Variants in FOXK1 observed in about 807,000 individuals in gnomAD.
FOXK1 encodes forkhead box protein K1.
FOXK1 carries 19 observed loss-of-function variants against 51.9 expected under a neutral mutation model. That is an observed-to-expected ratio of 0.37 (90% confidence interval 0.26 to 0.54). The LOEUF is 0.54. Among genes scored for constraint, FOXK1 ranks in the 20% least tolerant of loss-of-function variants. The pLI is 0.87. For missense variants in FOXK1, 870 were observed against 1,032.7 expected, an observed-to-expected ratio of 0.84 and a Z score of 2.16; for synonymous variants, 537 against 482.6, an observed-to-expected ratio of 1.11 and a Z score of -1.48.
rs1435490108 is a variant in FOXK1 at position 4,767,175 on chromosome 7, G to C, written c.*4711G>C. On this transcript the variant is annotated 3_prime_UTR_variant, in exon 9 of 9. Coordinates refer to ENST00000328914, the MANE Select transcript of FOXK1 (RefSeq NM_001037165.2). The surrounding 1 kb of genome is among the most constrained non-coding windows in gnomAD (Gnocchi z 6.6). ...AGAGAGGACACCCCAAGTCCATCCT[G>C]GGCTCCTCCTCACCCCTCTGAGAAA... The C allele has an allele frequency of 6.6e-6, 1 of 152,220 alleles. No homozygotes were observed. Among genetic ancestry groups the C allele is most frequent in the Admixed American group, 6.5e-5 (1 of 15,272 alleles). 9.4% of individuals were successfully genotyped at this position (152,220 alleles called of 1,614,324 possible).
In FOXK1 at chr7:4,682,903, G is replaced by C. The variant is rs1464519560; in HGVS notation, c.560+35G>C. 1 of 1,423,720 alleles carries C rather than the reference G, an allele frequency of 7.0e-7. No homozygotes were observed. Among genetic ancestry groups the C allele is most frequent in the Non-Finnish European group, 9.2e-7 (1 of 1,086,050 alleles). 88.2% of individuals were successfully genotyped at this position (1,423,720 alleles called of 1,614,324 possible). On this transcript the variant is annotated intron_variant, in intron 1 of 8. Coordinates refer to ENST00000328914, the MANE Select transcript of FOXK1 (RefSeq NM_001037165.2). The surrounding 1 kb of genome is among the most constrained non-coding windows in gnomAD (Gnocchi z 7.6). ...CCCGCGACCCCCGCCGCCCGCACCC[G>C]GGGCTCGCCCACGACCTCGATCTCT...
chr7:4,691,377 C>T (rs1779888942), intron 1 of FOXK1, among the ~76,000 whole-genome samples: 1 of 152,236 alleles, frequency 6.6e-6, no homozygotes, highest in South Asian at 2.1e-4. Context: ...CTCTGTCTCC[C>T]AGGCTGGAGT....
At chr7:4,684,110 G>T (rs1038662891) in intron 1 of FOXK1, among the ~76,000 whole-genome samples, 1 of 152,084 alleles carries the variant, frequency 6.6e-6, no homozygotes, top group Non-Finnish European at 1.5e-5. Context: ...ACTGCCCTCC[G>T]CACCCTCTGC....
rs1459125096 is a variant in FOXK1, at chr7:4,731,736, G to A, written c.561-9102G>A. Among the ~76,000 whole-genome samples, 29 of 144,806 alleles carry A rather than the reference G, an allele frequency of 2.0e-4. No homozygotes were observed. Among genetic ancestry groups the A allele is most frequent in the Non-Finnish European group, 3.4e-4 (23 of 66,990 alleles). 95.0% of individuals were successfully genotyped at this position (144,806 alleles called of 152,430 possible). A position where few individuals can be genotyped will look rare whatever the true frequency, so the allele number is the denominator to read the frequency against. ...ATTGCACCACTGCACTCCAGCCTGGGCAACAAAGCGAAACTCTGCCTCAAA... is the reference window on the plus strand; with the variant it reads ...ATTGCACCACTGCACTCCAGCCTGGACAACAAAGCGAAACTCTGCCTCAAA... On this transcript the variant is annotated intron_variant, in intron 1 of 8. Transcript: ENST00000328914. The surrounding 1 kb of genome is among the most constrained non-coding windows in gnomAD (Gnocchi z 5.3).
At chr7:4,757,292 C>CTCAGTGTACGGGCATG in intron 5 of FOXK1, 105 bp downstream of exon 5, 1 of 1,049,552 alleles carries the variant, frequency 9.5e-7, no homozygotes, top group Admixed American at 2.4e-5. Context: ...TGGGCTCAGG[C>CTCAGTGTACGGGCATG]TCAGTGTACG....
rs938523029 is a variant in FOXK1, at chr7:4,723,337, C to T, written c.561-17501C>T. Among the ~76,000 whole-genome samples the T allele has an allele frequency of 4.6e-5, 7 of 152,024 alleles. No homozygotes were observed. The highest frequency in any genetic ancestry group is 8.8e-5 in the Non-Finnish European group (6 of 68,004). On this transcript the variant is annotated intron_variant, in intron 1 of 8. Transcript: ENST00000328914. The surrounding 1 kb of genome is among the most constrained non-coding windows in gnomAD (Gnocchi z 4.7). ...AAAAGAGCTTGTTGGTAAATACTGC[C>T]TGAAAACATTGGCTTAATTTGTCTT...
At chr7:4,741,733 G>T (rs1032770304) in intron 2 of FOXK1, among the ~76,000 whole-genome samples, 1 of 152,212 alleles carries the variant, frequency 6.6e-6, no homozygotes, top group African/African-American at 2.4e-5. Flanking sequence ...AATTAATCTA[G>T]ATTTTGAAGA....
chr7:4,714,902 T>A (rs552434604), intron 1 of FOXK1, among the ~76,000 whole-genome samples: 39 of 152,302 alleles, frequency 2.6e-4, no homozygotes, highest in African/African-American at 8.7e-4. Context: ...ATGAGCATCA[T>A]GCTTTTGTGT....
At chr7:4,685,600 C>CT (rs1217906248) in intron 1 of FOXK1, among the ~76,000 whole-genome samples, 13 of 147,894 alleles carry the variant, frequency 8.8e-5, no homozygotes, top group African/African-American at 2.7e-4. Flanking sequence ...CTGTCATAAA[C>CT]TTTTTTGGTT....
At chr7:4,714,904 CTTTT>C (rs1187743732) in intron 1 of FOXK1, among the ~76,000 whole-genome samples, 3 of 152,252 alleles carry the variant, frequency 2.0e-5, no homozygotes, top group Admixed American at 2.0e-4. Context: ...GAGCATCATG[CTTTT>C]GTGTGCTTTT....
At chr7:4,697,016 C>T (rs972656201) in intron 1 of FOXK1, among the ~76,000 whole-genome samples, 9 of 152,008 alleles carry the variant, frequency 5.9e-5, no homozygotes, top group African/African-American at 1.9e-4. Context: ...TGCAGTGAGC[C>T]GAGATCATCC....
At position 4,703,432 on chromosome 7, in the gene FOXK1, A is replaced by T. The variant is rs1203631269; in HGVS notation, c.560+20564A>T. Among the ~76,000 whole-genome samples the T allele has an allele frequency of 6.6e-6, 1 of 152,178 alleles. No individual in the cohort carries two copies. The highest frequency in any genetic ancestry group is 1.5e-5 in the Non-Finnish European group (1 of 68,030). ...AGACATGCGGAGAACCCGCGTCTGC[A>T]GGGCTGGTGGCGTCCAGCACAGGGC... On this transcript the variant is annotated intron_variant, in intron 1 of 8. Transcript: ENST00000328914. The surrounding 1 kb of genome is among the most constrained non-coding windows in gnomAD (Gnocchi z 5.6).
At chr7:4,685,817 C>G (rs1779811548) in intron 1 of FOXK1, among the ~76,000 whole-genome samples, 1 of 151,908 alleles carries the variant, frequency 6.6e-6, no homozygotes. Flanking sequence ...GTGGATCACG[C>G]CTGTAGTCCC....
rs1164291389 is a variant in FOXK1, at chr7:4,748,629, T to A, written c.747-5830T>A. ...AGGGCTGTTTCCTGATTCCCACGTC[T>A]TCCTCTTTCCTGATTTGTTCCTTTG... On this transcript the variant is annotated intron_variant, in intron 2 of 8. Transcript: ENST00000328914. This position sits in a 1 kb window ranked among gnomAD's most constrained non-coding sequence, Gnocchi z 4.9. Among the ~76,000 whole-genome samples, 1 of 152,194 alleles carries A rather than the reference T, an allele frequency of 6.6e-6. No individual in the cohort carries two copies. The highest frequency in any genetic ancestry group is 2.4e-5 in the African/African-American group (1 of 41,452).
intron 2 of FOXK1, among the ~76,000 whole-genome samples, chr7:4,751,173 C>T (rs897363137): frequency 1.1e-4 from 17 of 151,734 alleles, no homozygotes; most frequent in Non-Finnish European, 1.9e-4. Flanking sequence ...TGCCACCATG[C>T]CCGGCTAATT....
chr7:4,748,089 T>C lies in FOXK1; in HGVS notation c.747-6370T>C, dbSNP rs966758640. Among the ~76,000 whole-genome samples, 15 of 152,226 alleles carry C rather than the reference T, an allele frequency of 9.9e-5. No homozygotes were observed. The highest frequency in any genetic ancestry group is 3.1e-4 in the African/African-American group (13 of 41,516). ...ATTCTAAGAAATTCGCCTCTGAAAATTTTCTTTCCCTATTTGTTTATTTTT... is the reference window on the plus strand; with the variant it reads ...ATTCTAAGAAATTCGCCTCTGAAAACTTTCTTTCCCTATTTGTTTATTTTT... On this transcript the variant is annotated intron_variant, in intron 2 of 8. Coordinates refer to ENST00000328914, the MANE Select transcript of FOXK1 (RefSeq NM_001037165.2). The surrounding 1 kb of genome is among the most constrained non-coding windows in gnomAD (Gnocchi z 4.9).
chr7:4,690,739 C>T (rs778483457), intron 1 of FOXK1, among the ~76,000 whole-genome samples: 10 of 152,096 alleles, frequency 6.6e-5, no homozygotes, highest in Admixed American at 3.3e-4. Flanking sequence ...TTGAAAAAGA[C>T]GCAGCTATGT....
chr7:4,749,487 C>T lies in FOXK1; in HGVS notation c.747-4972C>T, dbSNP rs1780747690. The stretch of plus-strand genomic sequence containing the variant: ...GGTTCCCCCAGGAGGCTTCAGGTGC[C>T]GCCTTGGGACGCAAAGGTCATCGCA... On this transcript the variant is annotated intron_variant, in intron 2 of 8. Transcript: ENST00000328914. This position sits in a 1 kb window ranked among gnomAD's most constrained non-coding sequence, Gnocchi z 6.0. Among the ~76,000 whole-genome samples, 2 of 152,284 alleles carry T rather than the reference C, an allele frequency of 1.3e-5. No homozygotes were observed. Among genetic ancestry groups the T allele is most frequent in the South Asian group, 2.1e-4 (1 of 4,820 alleles).
intron 3 of FOXK1, 75 bp downstream of exon 3, chr7:4,754,690 A>G (rs1021004232): frequency 6.6e-7 from 1 of 1,512,840 alleles, no homozygotes; most frequent in African/African-American, 1.4e-5. Context: ...CGGGCGGCAC[A>G]GACAGCCCAG....
Sources: gnomAD v4.1 joint callset for allele counts (sites outside exome capture counted in the v4.1 genomes callset) on GRCh38, gnomAD v4.1.1 for gene constraint, Gnocchi (gnomAD v3.1) non-coding constraint, MANE v1.5 for transcripts, NCBI Gene and HGNC (gene_info 2026-07-23, HGNC 2026-07-21) for gene names.